TSPYL4: variants seen among roughly 807,000 people sequenced by gnomAD.
TSPYL4 encodes testis-specific Y-encoded-like protein 4.
TSPYL4 carries 22 observed loss-of-function variants against 24.2 expected under a neutral mutation model. The ratio of observed to expected loss-of-function variants is 0.91; its 90% CI spans 0.65 to 1.30. The LOEUF is 1.30. Ranked by LOEUF, TSPYL4 falls within the 50% of genes most tolerant of loss-of-function variation. The pLI is 0.00. For missense variants in TSPYL4, 569 were observed against 536.7 expected, an observed-to-expected ratio of 1.06 and a Z score of -0.60; for synonymous variants, 211 against 208.2, an observed-to-expected ratio of 1.01 and a Z score of -0.12.
rs1450694225 is a variant in TSPYL4, at chr6:116,253,103, G to A, written c.906C>T (p.Gly302=). ...AGCKFKFIFQ[G]NPYFRNEGLV... is the part of the protein sequence containing the mutation. Reference sequence around the variant, plus strand: ...GCCCCTCATTTCGGAAGTAGGGGTTGCCCTGAAAGATGAACTTGAATTTGC... The same window carrying A: ...GCCCCTCATTTCGGAAGTAGGGGTTACCCTGAAAGATGAACTTGAATTTGC... Residue 302 remains glycine (G), a synonymous_variant, in exon 1 of 1, where the codon GGC becomes GGT. Coordinates refer to ENST00000420283, the MANE Select transcript of TSPYL4 (RefSeq NM_021648.5). This position sits in a 1 kb window ranked among gnomAD's most constrained non-coding sequence, Gnocchi z 4.3. 14 of 1,613,978 alleles carry A rather than the reference G, an allele frequency of 8.7e-6. No homozygotes were observed. The highest frequency in any genetic ancestry group is 1.2e-5 in the Non-Finnish European group (14 of 1,180,020).
rs1380358863 is a variant in TSPYL4 at position 116,253,433 on chromosome 6, C to A, written c.576G>T (p.Glu192Asp). 1 of 1,486,120 alleles carries A rather than the reference C, an allele frequency of 6.7e-7. No individual in the cohort carries two copies. The highest frequency in any genetic ancestry group is 2.5e-5 in the East Asian group (1 of 40,572). 92.1% of individuals were successfully genotyped at this position (1,486,120 alleles called of 1,614,324 possible). Residue 192 changes from glutamate (E) to aspartate (D), a missense_variant, in exon 1 of 1, where the codon GAG (glutamate) becomes GAT (aspartate). By Grantham distance (45) the Glu-to-Asp change is conservative. Coordinates refer to ENST00000420283, the MANE Select transcript of TSPYL4 (RefSeq NM_021648.5). The surrounding 1 kb of genome is among the most constrained non-coding windows in gnomAD (Gnocchi z 4.3). ...EKKVAGGVKE[E>D]TRPRAPKINN... ...TGATCTTCGGGGCCCTGGGCCGTGT[C>A]TCCTCTTTCACCCCTCCTGCCACCT...
Position 116,250,552 on chromosome 6 carries a change from A to G in TSPYL4, c.*2212T>C, listed in dbSNP as rs1223120000. The G allele has an allele frequency of 6.6e-6, 1 of 152,438 alleles. No individual in the cohort carries two copies. Among genetic ancestry groups the G allele is most frequent in the Non-Finnish European group, 1.5e-5 (1 of 68,052 alleles). The allele number at this position is 152,438 out of a possible 1,614,324, so 9.4% of individuals were successfully genotyped here. A position where few individuals can be genotyped will look rare whatever the true frequency, so the allele number is the denominator to read the frequency against. Reference sequence around the variant, plus strand: ...ACATCGACTTACATTTTGTTTACAAAAATCTACTGGTGAATTCAAGGACTT... The same window carrying G: ...ACATCGACTTACATTTTGTTTACAAGAATCTACTGGTGAATTCAAGGACTT... On this transcript the variant is annotated 3_prime_UTR_variant, in exon 1 of 1. Transcript: ENST00000420283.
At position 116,253,157 on chromosome 6, in the gene TSPYL4, C is replaced by T. The variant is rs746310371; in HGVS notation, c.852G>A (p.Val284=). ...CTGCTCTGGGGTGTTTAAGCTCCTC[C>T]ACCTCCAAATTGATCATGTACCTCA... is the stretch of plus-strand genomic sequence containing the variant. ...DMLRYMINLE[V]EELKHPRAGC... The change falls in exon 1 of 1, where the codon GTG becomes GTA. Residue 284 remains valine, a synonymous_variant. Coordinates refer to ENST00000420283, the MANE Select transcript of TSPYL4 (RefSeq NM_021648.5). The surrounding 1 kb of genome is among the most constrained non-coding windows in gnomAD (Gnocchi z 4.3). 23 of 1,614,032 alleles carry T rather than the reference C, an allele frequency of 1.4e-5. No homozygotes were observed. Among genetic ancestry groups the T allele is most frequent in the Non-Finnish European group, 1.9e-5 (23 of 1,179,940 alleles).
Position 116,253,737 on chromosome 6 carries a change from T to C in TSPYL4, c.272A>G (p.Glu91Gly). The C allele has an allele frequency of 3.2e-6, 5 of 1,585,370 alleles. No homozygotes were observed. Among genetic ancestry groups the C allele is most frequent in the Non-Finnish European group, 4.3e-6 (5 of 1,164,618 alleles). The stretch of plus-strand genomic sequence containing the variant: ...ACCTTTCGTAGAAGGTGGAGCATCC[T>C]CCTGCCCGGCTTTGGTCGCTGCACC... ...RGGAATKAGQ[E>G]DAPPSTKGLE... Residue 91 changes from glutamate to glycine, a missense_variant, in exon 1 of 1, where the codon GAG becomes GGG. Glu to Gly is a moderately conservative substitution (Grantham distance 98, BLOSUM62 -2). Transcript: ENST00000420283. The surrounding 1 kb of genome is among the most constrained non-coding windows in gnomAD (Gnocchi z 4.3).
In TSPYL4 at chr6:116,250,354, T is replaced by C. The variant is rs561927064; in HGVS notation, c.*2410A>G. 6.6e-6 allele frequency: 1 copy of C among 152,622 alleles called. No individual in the cohort carries two copies. Among genetic ancestry groups the C allele is most frequent in the Non-Finnish European group, 1.5e-5 (1 of 68,036 alleles). The allele number at this position is 152,622 out of a possible 1,614,324, so 9.5% of individuals were successfully genotyped here. ...CATACTGCACAGGACACAAATTTGG[T>C]ATTTTTGCACATGTTGTCAATTATA... On this transcript the variant is annotated 3_prime_UTR_variant, in exon 1 of 1. Coordinates refer to ENST00000420283, the MANE Select transcript of TSPYL4 (RefSeq NM_021648.5).
At position 116,253,574 on chromosome 6, in the gene TSPYL4, C is replaced by G. The variant is rs2114578359; in HGVS notation, c.435G>C (p.Pro145=). 6.4e-7 allele frequency: 1 copy of G among 1,552,026 alleles called. No individual in the cohort carries two copies. Among genetic ancestry groups the G allele is most frequent in the Non-Finnish European group, 8.7e-7 (1 of 1,147,074 alleles). Residue 145 remains proline, a synonymous_variant, in exon 1 of 1, where the codon CCG becomes CCC. Transcript: ENST00000420283. This position sits in a 1 kb window ranked among gnomAD's most constrained non-coding sequence, Gnocchi z 4.3. ...GAGGLGSQMI[P]GKKAKEVTTK... ...TCGTCACTTCCTTGGCCTTCTTCCC[C>G]GGTATCATCTGAGACCCCAAGCCCC...
Position 116,251,292 on chromosome 6 carries a change from C to A in TSPYL4, c.*1472G>T. 1 of 398,692 alleles carries A rather than the reference C, an allele frequency of 2.5e-6. No homozygotes were observed. The highest frequency in any genetic ancestry group is 4.4e-5 in the Admixed American group (1 of 22,738). The allele number at this position is 398,692 out of a possible 1,614,324, so 24.7% of individuals were successfully genotyped here. The stretch of plus-strand genomic sequence containing the variant: ...CCGTCCTGAACCCATCACTGTGAGG[C>A]CCTTCTCTCTCTTTCCAGCTTCTCA... On this transcript the variant is annotated 3_prime_UTR_variant, in exon 1 of 1. Transcript: ENST00000420283.
chr6:116,252,544 T>A lies in TSPYL4; in HGVS notation c.*220A>T. On this transcript the variant is annotated 3_prime_UTR_variant, in exon 1 of 1. Transcript: ENST00000420283. ...CGTAGAAGGCCATGCACTTGAAACA[T>A]GTTAACACAATGCAGAAAAGCATGA... 1 of 589,902 alleles carries A rather than the reference T, an allele frequency of 1.7e-6. No individual in the cohort carries two copies. The highest frequency in any genetic ancestry group is 2.9e-6 in the Non-Finnish European group (1 of 340,364). 36.5% of individuals were successfully genotyped at this position (589,902 alleles called of 1,614,324 possible). A position where few individuals can be genotyped will look rare whatever the true frequency, so the allele number is the denominator to read the frequency against.
rs1346234365 is a variant in TSPYL4, at chr6:116,253,577, T to C, written c.432A>G (p.Ile144Met). ...CGAGGLGSQM[I>M]PGKKAKEVTT... ...TCACTTCCTTGGCCTTCTTCCCCGG[T>C]ATCATCTGAGACCCCAAGCCCCCTG... is the stretch of plus-strand genomic sequence containing the variant. Residue 144 changes from isoleucine (I) to methionine (M), a missense_variant, in exon 1 of 1, where the codon ATA becomes ATG. Ile to Met is a conservative substitution (Grantham distance 10). Coordinates refer to ENST00000420283, the MANE Select transcript of TSPYL4 (RefSeq NM_021648.5). The surrounding 1 kb of genome is among the most constrained non-coding windows in gnomAD (Gnocchi z 4.3). 3.2e-6 allele frequency: 5 copies of C among 1,551,896 alleles called. No homozygotes were observed. In the South Asian group the frequency reaches 4.8e-5, roughly 15 times the overall value.
At position 116,253,805 on chromosome 6, in the gene TSPYL4, G is replaced by A. The variant is rs756931755; in HGVS notation, c.204C>T (p.Asp68=). 2.1e-5 allele frequency: 33 copies of A among 1,607,024 alleles called. No individual in the cohort carries two copies. In the African/African-American group the frequency reaches 3.9e-4, roughly 19 times the overall value. Residue 68 remains aspartate (D), a synonymous_variant, in exon 1 of 1, where the codon GAC becomes GAT. Coordinates refer to ENST00000420283, the MANE Select transcript of TSPYL4 (RefSeq NM_021648.5). This position sits in a 1 kb window ranked among gnomAD's most constrained non-coding sequence, Gnocchi z 4.3. ...AEGGASQDPV[D]CGPALRVPVA... ...CTGGGACGCGGAGCGCGGGGCCACAGTCGACAGGATCCTGGGATGCACCCC... is the reference window on the plus strand; with the variant it reads ...CTGGGACGCGGAGCGCGGGGCCACAATCGACAGGATCCTGGGATGCACCCC...
chr6:116,252,797 C>A lies in TSPYL4; in HGVS notation c.1212G>T (p.Glu404Asp), dbSNP rs975603445. ...ACTGGAACCTGAAGGATCTGGCGCTCTCCACTGGCTGCCTTGGTGGGCCTC... is the reference window on the plus strand; with the variant it reads ...ACTGGAACCTGAAGGATCTGGCGCTATCCACTGGCTGCCTTGGTGGGCCTC... Reference protein sequence around the residue: ...GIRGPPRQPVESARSFRFQSG With the variant: ...GIRGPPRQPVDSARSFRFQSG The change falls in exon 1 of 1, where the codon GAG becomes GAT. Residue 404 changes from glutamate to aspartate, a missense_variant. Transcript: ENST00000420283. 5 of 1,599,132 alleles carry A rather than the reference C, an allele frequency of 3.1e-6. No homozygotes were observed. The highest frequency in any genetic ancestry group is 4.3e-6 in the Non-Finnish European group (5 of 1,172,094).
Position 116,253,498 on chromosome 6 carries a change from C to G in TSPYL4, c.511G>C (p.Ala171Pro), listed in dbSNP as rs1376529495. 1.3e-6 allele frequency: 2 copies of G among 1,551,740 alleles called. No homozygotes were observed. The highest frequency in any genetic ancestry group is 1.2e-5 in the South Asian group (1 of 84,068). The part of the protein sequence containing the change: ...AAVEKEGEAG[A>P]AMEEKKVVQK... ...ACTACCTTCTTTTCCTCCATCGCCG[C>G]CCCTGCTTCTCCCTCCTTTTCCACT... The change falls in exon 1 of 1, where the codon GCG becomes CCG. Residue 171 changes from alanine to proline, a missense_variant. Coordinates refer to ENST00000420283, the MANE Select transcript of TSPYL4 (RefSeq NM_021648.5). The surrounding 1 kb of genome is among the most constrained non-coding windows in gnomAD (Gnocchi z 4.3).
Position 116,251,171 on chromosome 6 carries a change from T to C in TSPYL4, c.*1593A>G. 1 of 398,622 alleles carries C rather than the reference T, an allele frequency of 2.5e-6. No individual in the cohort carries two copies. The highest frequency in any genetic ancestry group is 3.6e-5 in the East Asian group (1 of 28,076). 24.7% of individuals were successfully genotyped at this position (398,622 alleles called of 1,614,324 possible). Reference sequence around the variant, plus strand: ...CTACAAAATGCTACCCTAGAAGCAGTCCAAGGCCCAAAAAAGAATTTCCAT... The same window carrying C: ...CTACAAAATGCTACCCTAGAAGCAGCCCAAGGCCCAAAAAAGAATTTCCAT... On this transcript the variant is annotated 3_prime_UTR_variant, in exon 1 of 1. Coordinates refer to ENST00000420283, the MANE Select transcript of TSPYL4 (RefSeq NM_021648.5).
rs1211701575 is a variant in TSPYL4, at chr6:116,253,578, A to G, written c.431T>C (p.Ile144Thr). ...CGAGGLGSQM[I>T]PGKKAKEVTT... ...CACTTCCTTGGCCTTCTTCCCCGGT[A>G]TCATCTGAGACCCCAAGCCCCCTGC... Residue 144 changes from isoleucine to threonine, a missense_variant, in exon 1 of 1, where the codon ATA becomes ACA. Ile to Thr is a moderately conservative substitution (Grantham distance 89). Transcript: ENST00000420283. This position sits in a 1 kb window ranked among gnomAD's most constrained non-coding sequence, Gnocchi z 4.3. The G allele has an allele frequency of 6.4e-7, 1 of 1,551,764 alleles. No individual in the cohort carries two copies. Among genetic ancestry groups the G allele is most frequent in the African/African-American group, 1.4e-5 (1 of 73,046 alleles).
In TSPYL4 at chr6:116,252,931, C is replaced by G; in HGVS notation, c.1078G>C (p.Asp360His). The change falls in exon 1 of 1, where the codon GAC becomes CAC. Residue 360 changes from aspartate to histidine, a missense_variant. Physicochemically the swap from Asp to His is moderately conservative, Grantham distance 81. Transcript: ENST00000420283. ...CTGTCGAATTCTAGAAGGCTGTGGT[C>G]TGAAAACCAGTTGAAGAAACTAGGG... ...TIPSFFNWFS[D>H]HSLLEFDRIA... 6.2e-7 allele frequency: 1 copy of G among 1,613,330 alleles called. No individual in the cohort carries two copies. Among genetic ancestry groups the G allele is most frequent in the Non-Finnish European group, 8.5e-7 (1 of 1,179,568 alleles).
At position 116,252,652 on chromosome 6, in the gene TSPYL4, T is replaced by C. The variant is rs899264798; in HGVS notation, c.*112A>G. 10 of 1,291,632 alleles carry C rather than the reference T, an allele frequency of 7.7e-6. No individual in the cohort carries two copies. The highest frequency in any genetic ancestry group is 4.5e-5 in the African/African-American group (3 of 66,758). 80.0% of individuals were successfully genotyped at this position (1,291,632 alleles called of 1,614,324 possible). A position where few individuals can be genotyped will look rare whatever the true frequency, so the allele number is the denominator to read the frequency against. ...GAAGATTTAGAACCAAAGGAAAAGA[T>C]AATCCACAGTATGAAGAGAAAGCAG... On this transcript the variant is annotated 3_prime_UTR_variant, in exon 1 of 1. Coordinates refer to ENST00000420283, the MANE Select transcript of TSPYL4 (RefSeq NM_021648.5).
rs1283645004 is a variant in TSPYL4 at position 116,249,965 on chromosome 6, T to G, written c.*2799A>C. The G allele has an allele frequency of 6.6e-6, 1 of 152,108 alleles. No homozygotes were observed. Among genetic ancestry groups the G allele is most frequent in the Admixed American group, 6.5e-5 (1 of 15,276 alleles). 9.4% of individuals were successfully genotyped at this position (152,108 alleles called of 1,614,324 possible). ...TAAATTAACCTAGACAACACAGAAT[T>G]TTTTAAATTATTTTTATTTTTTGAT... On this transcript the variant is annotated 3_prime_UTR_variant, in exon 1 of 1. Coordinates refer to ENST00000420283, the MANE Select transcript of TSPYL4 (RefSeq NM_021648.5).
chr6:116,254,026 T>G lies in TSPYL4; in HGVS notation c.-18A>C. 1 of 1,550,796 alleles carries G rather than the reference T, an allele frequency of 6.4e-7. No individual in the cohort carries two copies. Among genetic ancestry groups the G allele is most frequent in the Non-Finnish European group, 8.7e-7 (1 of 1,149,286 alleles). On this transcript the variant is annotated 5_prime_UTR_variant, in exon 1 of 1. Coordinates refer to ENST00000420283, the MANE Select transcript of TSPYL4 (RefSeq NM_021648.5). ...CCGCTCATTTTGGAAGAAGTCAGAC[T>G]AGTGGGAGAGGGAGAGTTCCTTGTC...
At position 116,250,657 on chromosome 6, in the gene TSPYL4, C is replaced by T. The variant is rs1210554270; in HGVS notation, c.*2107G>A. ...TCTTCCCTGGAGAGCACCTCAGGGG[C>T]CTCCCCTCCCACCCCTGATCCTGCA... On this transcript the variant is annotated 3_prime_UTR_variant, in exon 1 of 1. Coordinates refer to ENST00000420283, the MANE Select transcript of TSPYL4 (RefSeq NM_021648.5). 6.6e-6 allele frequency: 1 copy of T among 152,256 alleles called. No homozygotes were observed. The highest frequency in any genetic ancestry group is 1.5e-5 in the Non-Finnish European group (1 of 68,086). 9.4% of individuals were successfully genotyped at this position (152,256 alleles called of 1,614,324 possible). A position where few individuals can be genotyped will look rare whatever the true frequency, so the allele number is the denominator to read the frequency against.
Sources: allele counts gnomAD v4.1 joint callset, GRCh38; gene constraint gnomAD v4.1.1; non-coding constraint Gnocchi (gnomAD v3.1); transcripts MANE v1.5; gene names NCBI Gene and HGNC (gene_info 2026-07-23, HGNC 2026-07-21).